The following GLI3 variants were observed in gnomAD, a reference collection of about 807,000 sequenced individuals.
GLI3 encodes transcription activator GLI3.
A neutral mutation model predicts 100.8 loss-of-function variants in GLI3; 20 were observed. That is an observed-to-expected ratio of 0.20 (90% CI 0.14 to 0.29). The LOEUF is 0.29. GLI3 is among the 10% of genes least tolerant of loss of function. The probability of loss-of-function intolerance (pLI) is 1.00; values close to 1 mark genes in which losing one functional copy is unlikely to be tolerated. For missense variants in GLI3, 2,040 were observed against 2,128.5 expected, an observed-to-expected ratio of 0.96 and a Z score of 0.82; for synonymous variants, 938 against 860.5, an observed-to-expected ratio of 1.09 and a Z score of -1.58.
chr7:42,139,539 C>T (rs779999761), intron 3 of GLI3, among the ~76,000 whole-genome samples: 2 of 152,096 alleles, frequency 1.3e-5, no homozygotes, highest in Admixed American at 6.5e-5. Context: ...ATTAGCGTGG[C>T]ATGGTGGCAC....
In GLI3 at chr7:41,966,310, G is replaced by T; in HGVS notation, c.2763C>A (p.Leu921=). Residue 921 remains leucine, a synonymous_variant, in exon 15 of 15, where the codon CTC becomes CTA. Transcript: ENST00000395925. This position sits in a 1 kb window ranked among gnomAD's most constrained non-coding sequence, Gnocchi z 5.8. ...QSDGLPSLLS[L]TPAQQYRLKA... ...TGAGGCGGTACTGCTGGGCGGGCGT[G>T]AGGCTGAGCAGGCTGGGCAGGCCGT... is the stretch of plus-strand genomic sequence containing the variant. The T allele has an allele frequency of 6.2e-7, 1 of 1,607,918 alleles. No individual in the cohort carries two copies. The highest frequency in any genetic ancestry group is 8.5e-7 in the Non-Finnish European group (1 of 1,179,200).
chr7:42,112,817 G>A (rs1465751259), intron 3 of GLI3, among the ~76,000 whole-genome samples: 1 of 152,066 alleles, frequency 6.6e-6, no homozygotes, highest in Non-Finnish European at 1.5e-5. Context: ...AGGAGACTGT[G>A]CCCACATGAG....
At chr7:42,016,176 G>C (rs1315766752) in intron 10 of GLI3, among the ~76,000 whole-genome samples, 3 of 152,106 alleles carry the variant, frequency 2.0e-5, no homozygotes, top group South Asian at 4.1e-4. Flanking sequence ...CCTTGGTTTG[G>C]TGTAACCACC....
chr7:42,216,681 A>T (rs1262236813), intron 2 of GLI3, among the ~76,000 whole-genome samples: 1 of 152,176 alleles, frequency 6.6e-6, no homozygotes. Flanking sequence ...TAATAATTTT[A>T]AAAATAAAAA....
chr7:42,223,038 C>T (rs887714046), intron 2 of GLI3, 92 bp downstream of exon 2: 2 of 1,467,072 alleles, frequency 1.4e-6, no homozygotes, highest in Non-Finnish European at 1.9e-6. Flanking sequence ...AGAACAAACA[C>T]TGGTCCAGGT....
At chr7:42,031,560 A>G (rs1212250473) in intron 7 of GLI3, among the ~76,000 whole-genome samples, 5 of 152,256 alleles carry the variant, frequency 3.3e-5, no homozygotes, top group Admixed American at 2.0e-4. Context: ...GCTTCCAGAG[A>G]CCAGTGTTCC....
At chr7:42,009,698 G>A (rs945426886) in intron 10 of GLI3, among the ~76,000 whole-genome samples, 2 of 152,116 alleles carry the variant, frequency 1.3e-5, no homozygotes, top group East Asian at 1.9e-4. Context: ...TCTCATCGGC[G>A]TCATCACTGT....
chr7:42,127,099 A>C (rs1786152731), intron 3 of GLI3, among the ~76,000 whole-genome samples: 2 of 152,330 alleles, frequency 1.3e-5, no homozygotes, highest in South Asian at 4.1e-4. Context: ...TCAACCACAC[A>C]GTCTTGTTCT....
chr7:42,199,464 CCT>C (rs1787994089), intron 2 of GLI3, among the ~76,000 whole-genome samples: 1 of 152,202 alleles, frequency 6.6e-6, no homozygotes, highest in African/African-American at 2.4e-5. Flanking sequence ...TTCCAGTTCC[CCT>C]GTCTCACCAA....
At chr7:41,987,358 G>A (rs1375101461) in intron 10 of GLI3, among the ~76,000 whole-genome samples, 1 of 152,100 alleles carries the variant, frequency 6.6e-6, no homozygotes, top group African/African-American at 2.4e-5. Context: ...TAGTAGAGAC[G>A]GGGTTTCACT....
intron 10 of GLI3, among the ~76,000 whole-genome samples, chr7:41,992,223 A>G (rs918285637): frequency 6.6e-6 from 1 of 152,244 alleles, no homozygotes; most frequent in African/African-American, 2.4e-5. Context: ...GATGAATAGT[A>G]AGGGGCTAGA....
At chr7:42,115,448 A>G (rs903099076) in intron 3 of GLI3, among the ~76,000 whole-genome samples, 1 of 152,138 alleles carries the variant, frequency 6.6e-6, no homozygotes, top group East Asian at 1.9e-4. Flanking sequence ...CCATTTTCCT[A>G]CATTTTCGGA....
At chr7:42,138,194 C>A (rs1786476024) in intron 3 of GLI3, among the ~76,000 whole-genome samples, 2 of 152,120 alleles carry the variant, frequency 1.3e-5, no homozygotes, top group African/African-American at 4.8e-5. Flanking sequence ...AAATATCATG[C>A]ATCATGTACT....
intron 2 of GLI3, among the ~76,000 whole-genome samples, chr7:42,217,525 T>C (rs1788401711): frequency 6.6e-6 from 1 of 152,248 alleles, no homozygotes; most frequent in African/African-American, 2.4e-5. Context: ...GATGTATATA[T>C]GCTGCTTCTA....
chr7:42,050,057 A>C (rs1175811041), intron 4 of GLI3, among the ~76,000 whole-genome samples: 1 of 152,220 alleles, frequency 6.6e-6, no homozygotes, highest in Non-Finnish European at 1.5e-5. Context: ...AGACACTGAA[A>C]TAAATGAAAT....
intron 2 of GLI3, among the ~76,000 whole-genome samples, chr7:42,174,689 G>A (rs1787443605): frequency 6.6e-6 from 1 of 152,154 alleles, no homozygotes; most frequent in Non-Finnish European, 1.5e-5. Context: ...GCTTTCATCT[G>A]TCGGATCACA....
At chr7:42,069,078 G>A (rs944772738) in intron 4 of GLI3, among the ~76,000 whole-genome samples, 4 of 152,072 alleles carry the variant, frequency 2.6e-5, no homozygotes, top group African/African-American at 2.4e-5. Context: ...TAGAGTCGGC[G>A]GCTTCCGGTT....
chr7:42,070,164 C>T (rs1193491099), intron 4 of GLI3, among the ~76,000 whole-genome samples: 2 of 152,218 alleles, frequency 1.3e-5, no homozygotes, highest in African/African-American at 4.8e-5. Context: ...CAAACCACTC[C>T]AGTGGCTGAA....
intron 10 of GLI3, among the ~76,000 whole-genome samples, chr7:41,984,627 T>C (rs533782110): frequency 2.0e-5 from 3 of 152,188 alleles, no homozygotes; most frequent in African/African-American, 7.2e-5. Flanking sequence ...TTTCTTAACA[T>C]CAAGAAGGTG....
Sources: allele counts gnomAD v4.1 joint callset (sites outside exome capture counted in the v4.1 genomes callset), GRCh38; gene constraint gnomAD v4.1.1; non-coding constraint Gnocchi (gnomAD v3.1); transcripts MANE v1.5; gene names NCBI Gene and HGNC (gene_info 2026-07-23, HGNC 2026-07-21).